Variants in SF3A3 observed in about 807,000 individuals in gnomAD.
SF3A3 encodes SAP 61.
SF3A3 carries 9 observed loss-of-function variants against 85.8 expected under a neutral mutation model. The observed-to-expected ratio is 0.10, with a 90% CI of 0.06 to 0.18. The LOEUF is 0.18. Ranked by LOEUF, SF3A3 falls within the 10% of genes least tolerant of loss-of-function variation. SF3A3 has a pLI of 1.00. For synonymous variants in SF3A3, 195 were observed against 204.4 expected (o/e 0.95, Z 0.39); for missense variants, 306 against 593.3 (o/e 0.52, Z 5.03).
At chr1:37,959,367 C>T (rs1244089449) in intron 16 of SF3A3, among the ~76,000 whole-genome samples, 1 of 152,082 alleles carries the variant, frequency 6.6e-6, no homozygotes, top group Admixed American at 6.6e-5. Flanking sequence ...GCATGAACTG[C>T]TGCACCTGGC....
chr1:37,964,927 T>C (rs980263672), intron 15 of SF3A3, among the ~76,000 whole-genome samples: 4 of 151,918 alleles, frequency 2.6e-5, no homozygotes, highest in Admixed American at 2.6e-4. Context: ...GGGAGGCCAA[T>C]GCGGGTGCAT....
chr1:37,970,423 C>T (rs561579972), intron 12 of SF3A3, among the ~76,000 whole-genome samples: 82 of 152,172 alleles, frequency 5.4e-4, no homozygotes, highest in Admixed American at 4.9e-3. Flanking sequence ...AACTTTAACA[C>T]CCCACTGTCA....
At chr1:37,980,807 C>T (rs901154578) in intron 7 of SF3A3, 83 bp from the exon 8 acceptor site, 41 of 554,824 alleles carry the variant, frequency 7.4e-5, no homozygotes, top group Non-Finnish European at 1.0e-4. Context: ...ATATAAAGTA[C>T]TTATAATTCT....
chr1:37,972,928 C>T (rs953994183), intron 12 of SF3A3, among the ~76,000 whole-genome samples: 11 of 152,154 alleles, frequency 7.2e-5, no homozygotes, highest in African/African-American at 2.4e-4. Context: ...CGCCTGTAAT[C>T]CCAGCACTTT....
chr1:37,970,605 A>C (rs34306004), intron 12 of SF3A3, among the ~76,000 whole-genome samples: 17,210 of 152,176 alleles, frequency 0.11, 979 homozygotes, highest in East Asian at 0.18. Flanking sequence ...ACATAGTTGG[A>C]AGTAAAGCAC....
intron 16 of SF3A3, among the ~76,000 whole-genome samples, 151 bp downstream of exon 16, chr1:37,959,957 CAAAAAAAAAAAA>C (rs34993722): frequency 1.0e-5 from 1 of 97,344 alleles, no homozygotes; most frequent in African/African-American, 4.0e-5. Flanking sequence ...GACTCCGTGT[CAAAAAAAAAAAA>C]AAAAAAAAAG....
At chr1:37,974,756 A>G (rs1484980079) in intron 12 of SF3A3, among the ~76,000 whole-genome samples, 1 of 152,200 alleles carries the variant, frequency 6.6e-6, no homozygotes, top group Non-Finnish European at 1.5e-5. Context: ...CTTATAAGGC[A>G]AAGTCCAAAT....
intron 15 of SF3A3, among the ~76,000 whole-genome samples, chr1:37,966,935 CAAAAAAAAAA>C (rs11394683): frequency 6.4e-4 from 9 of 14,170 alleles, no homozygotes; most frequent in African/African-American, 2.7e-3. Flanking sequence ...AACTCCATCT[CAAAAAAAAAA>C]AAAAAAAAAA....
At chr1:37,964,424 C>A (rs1182135860) in intron 15 of SF3A3, among the ~76,000 whole-genome samples, 1 of 151,198 alleles carries the variant, frequency 6.6e-6, no homozygotes, top group East Asian at 2.0e-4. Flanking sequence ...GGCCAACATG[C>A]TAAAACCCTG....
In SF3A3 at chr1:37,957,033, A is replaced by T. The variant is rs886311726; in HGVS notation, c.*1153T>A. 1.3e-5 allele frequency: 2 copies of T among 152,198 alleles called. No individual in the cohort carries two copies. The highest frequency in any genetic ancestry group is 4.8e-5 in the African/African-American group (2 of 41,440). 9.4% of individuals were successfully genotyped at this position (152,198 alleles called of 1,614,324 possible). ...TGAAGGTCTGAGTGTTGAGAGGCAA[A>T]TGGGGTCTCTGGGGGATCCTGTCCT... On this transcript the variant is annotated 3_prime_UTR_variant, in exon 17 of 17. Transcript: ENST00000373019.
intron 4 of SF3A3, among the ~76,000 whole-genome samples, chr1:37,986,238 G>A (rs1318818700): frequency 2.0e-5 from 3 of 152,080 alleles, no homozygotes; most frequent in African/African-American, 7.2e-5. Flanking sequence ...GTGAGTCACT[G>A]CACCTGGCTA....
At chr1:37,981,533 C>T (rs1288708831) in intron 7 of SF3A3, among the ~76,000 whole-genome samples, 196 bp downstream of exon 7, 1 of 152,178 alleles carries the variant, frequency 6.6e-6, no homozygotes, top group East Asian at 1.9e-4. Flanking sequence ...GATGTGCCCA[C>T]AGACACACCT....
intron 12 of SF3A3, 87 bp downstream of exon 12, chr1:37,976,797 C>T: frequency 1.1e-6 from 1 of 870,014 alleles, no homozygotes; most frequent in East Asian, 2.4e-5. Flanking sequence ...TCTTTTGAAC[C>T]TAATGAAAAA....
chr1:37,965,843 T>TA (rs926259527), intron 15 of SF3A3, among the ~76,000 whole-genome samples: 4 of 139,560 alleles, frequency 2.9e-5, no homozygotes, highest in African/African-American at 1.0e-4. Context: ...GATGGGGGGG[T>TA]AAAATACCTT....
chr1:37,983,586 C>CAACAAAAAAAAAAAAAA (rs1646435177), intron 6 of SF3A3, among the ~76,000 whole-genome samples: 2 of 38,490 alleles, frequency 5.2e-5, no homozygotes, highest in Non-Finnish European at 7.7e-5. Flanking sequence ...GACCCTGTCT[C>CAACAAAAAAAAAAAAAA]AAAAAAAAAA....
chr1:37,978,247 G>C (rs1428704660), intron 11 of SF3A3, among the ~76,000 whole-genome samples: 1 of 149,088 alleles, frequency 6.7e-6, no homozygotes, highest in African/African-American at 2.5e-5. Flanking sequence ...GCTGAGGCAG[G>C]AAAATCTTTT....
At position 37,980,599 on chromosome 1, in the gene SF3A3, A is replaced by G; in HGVS notation, c.677T>C (p.Phe226Ser). 6.2e-7 allele frequency: 1 copy of G among 1,613,956 alleles called. No homozygotes were observed. Among genetic ancestry groups the G allele is most frequent in the Non-Finnish European group, 8.5e-7 (1 of 1,179,996 alleles). The change falls in exon 8 of 17, where the codon TTT (phenylalanine) becomes TCT (serine). Residue 226 changes from phenylalanine (F) to serine (S), a missense_variant. Phe to Ser is a radical substitution (Grantham distance 155). Coordinates refer to ENST00000373019, the MANE Select transcript of SF3A3 (RefSeq NM_006802.4). Reference protein sequence around the residue: ...EFEKKWENGTFPGWPKETSSA... With the variant: ...EFEKKWENGTSPGWPKETSSA... ...ACTGAAGCTCACCGGCCATCCAGGA[A>G]AGGTCCCATTCTCCCATTTCTTCTC...
intron 2 of SF3A3, among the ~76,000 whole-genome samples, chr1:37,988,565 A>T (rs1004216131): frequency 6.6e-6 from 1 of 152,172 alleles, no homozygotes; most frequent in Non-Finnish European, 1.5e-5. Context: ...CCAAGGGGAA[A>T]AAAAGAAAAT....
At chr1:37,983,304 C>T (rs1215337684) in intron 6 of SF3A3, among the ~76,000 whole-genome samples, 1 of 148,822 alleles carries the variant, frequency 6.7e-6, no homozygotes, top group African/African-American at 2.5e-5. Flanking sequence ...TTATGTAAGG[C>T]TGGATGCAGT....
Sources: gnomAD v4.1 joint callset for allele counts (sites outside exome capture counted in the v4.1 genomes callset) on GRCh38, gnomAD v4.1.1 for gene constraint, MANE v1.5 for transcripts, NCBI Gene and HGNC (gene_info 2026-07-23, HGNC 2026-07-21) for gene names.